The following SUGP2 variants were observed in gnomAD, a reference collection of about 807,000 sequenced individuals.
SUGP2 encodes the protein SURP and G-patch domain-containing protein 2.
Under a neutral mutation model 90.5 loss-of-function variants are expected in SUGP2, and 24 were observed. The ratio of observed to expected loss-of-function variants is 0.27; its 90% CI spans 0.19 to 0.37. The LOEUF (loss-of-function observed/expected upper bound fraction) is 0.37, where lower values mean the gene tolerates loss of function less well. SUGP2 is among the 10% of genes least tolerant of loss of function. The probability of loss-of-function intolerance (pLI) is 1.00; values close to 1 mark genes in which losing one functional copy is unlikely to be tolerated. For synonymous variants in SUGP2, 473 were observed against 513.4 expected (o/e 0.92, Z 1.06); for missense variants, 1,233 against 1,363.3 (o/e 0.90, Z 1.51).
At chr19:18,994,808 C>T in intron 9 of SUGP2, 2 of 527,920 alleles carry the variant, frequency 3.8e-6, no homozygotes, top group South Asian at 4.4e-5. Flanking sequence ...TGTTCGGGAC[C>T]CTGGCTGGCC....
chr19:19,020,023 G>A (rs1440269356), intron 3 of SUGP2, among the ~76,000 whole-genome samples: 28 of 133,950 alleles, frequency 2.1e-4, no homozygotes, highest in African/African-American at 7.8e-4. Context: ...AATTAGCCAG[G>A]CATGGTGGGA....
At chr19:19,026,838 G>C (rs2058954087) in intron 2 of SUGP2, among the ~76,000 whole-genome samples, 2 of 152,100 alleles carry the variant, frequency 1.3e-5, no homozygotes, top group African/African-American at 2.4e-5. Context: ...CCCTCGGAAA[G>C]GTCGGCCAGG....
rs57972000 is a variant in SUGP2 at position 19,019,768 on chromosome 19, TAAAA to T, written c.1730-543_1730-540del. On this transcript the variant is annotated intron_variant, in intron 3 of 10. Coordinates refer to ENST00000452918, the MANE Select transcript of SUGP2 (RefSeq NM_001017392.5). The stretch of plus-strand genomic sequence containing the variant: ...TCATTTTCCTTATGCTTTAAGAACT[TAAAA>T]AAAAAACTTGTGTTTTGTAATCAGA... Among the ~76,000 whole-genome samples, 765 of 129,006 alleles carry T rather than the reference TAAAA, an allele frequency of 5.9e-3. 10 individuals carry two copies. Among genetic ancestry groups the T allele is most frequent in the African/African-American group, 0.021 (724 of 34,994 alleles). 84.6% of individuals were successfully genotyped at this position (129,006 alleles called of 152,430 possible).
intron 3 of SUGP2, among the ~76,000 whole-genome samples, chr19:19,019,520 A>G (rs1305876244): frequency 3.3e-5 from 5 of 152,196 alleles, no homozygotes; most frequent in Non-Finnish European, 7.3e-5. Flanking sequence ...TAGCAATTTG[A>G]TATCATTTTT....
Position 18,991,355 on chromosome 19 carries a change from C to T in SUGP2, c.*2386G>A, listed in dbSNP as rs2057353195. The T allele has an allele frequency of 6.6e-6, 1 of 152,336 alleles. No homozygotes were observed. Among genetic ancestry groups the T allele is most frequent in the Non-Finnish European group, 1.5e-5 (1 of 68,186 alleles). 9.4% of individuals were successfully genotyped at this position (152,336 alleles called of 1,614,324 possible). ...CAGCACGCACCATGCTCTGCTGGCT[C>T]CCGACACCTTCACTGCCCCAGCGCT... On this transcript the variant is annotated 3_prime_UTR_variant, in exon 11 of 11. Transcript: ENST00000452918.
intron 6 of SUGP2, 124 bp from the exon 7 acceptor site, chr19:19,004,770 G>A: frequency 2.7e-6 from 2 of 740,340 alleles, no homozygotes; most frequent in East Asian, 5.3e-5. Context: ...AACCTGACCA[G>A]TCTCTACGCG....
chr19:18,994,533 TGGCATGCCAGGAACTG>T lies in SUGP2; in HGVS notation c.3129-63_3129-48del, dbSNP rs762290372. 2.3e-5 allele frequency: 37 copies of T among 1,604,264 alleles called. No homozygotes were observed. The Admixed American group carries it at 4.3e-4, about 18-fold the overall frequency. On this transcript the variant is annotated intron_variant, in intron 9 of 10. Transcript: ENST00000452918. ...CAGTTGTGCACCTGAGCCCAGGGCC[TGGCATGCCAGGAACTG>T]GGCATGGGCACAAACAGTCCATGAG...
At chr19:19,028,752 G>A (rs1235476648) in intron 2 of SUGP2, among the ~76,000 whole-genome samples, 6 of 152,210 alleles carry the variant, frequency 3.9e-5, no homozygotes, top group East Asian at 3.9e-4. Context: ...ACGCTGGAGC[G>A]CAGTGGTGCG....
chr19:19,003,915 C>G (rs1021601464), intron 7 of SUGP2, among the ~76,000 whole-genome samples: 1 of 152,180 alleles, frequency 6.6e-6, no homozygotes, highest in African/African-American at 2.4e-5. Context: ...GTTGGGGATG[C>G]CCCGACCTGA....
intron 4 of SUGP2, among the ~76,000 whole-genome samples, chr19:19,017,423 C>A (rs576116936): frequency 6.6e-6 from 1 of 152,316 alleles, no homozygotes; most frequent in South Asian, 2.1e-4. Context: ...TGCTGCTAAA[C>A]AGCCTGCAAT....
chr19:19,033,426 C>G lies in SUGP2; in HGVS notation c.-12+11G>C. ...AGCCACCCACCGACGACGCCAGGGCCCGGGCCTCACCCCGAGACCACCGCG... is the reference window on the plus strand; with the variant it reads ...AGCCACCCACCGACGACGCCAGGGCGCGGGCCTCACCCCGAGACCACCGCG... On this transcript the variant is annotated intron_variant, in intron 1 of 10. Transcript: ENST00000452918. 7.3e-7 allele frequency: 1 copy of G among 1,367,158 alleles called. No individual in the cohort carries two copies. Among genetic ancestry groups the G allele is most frequent in the Non-Finnish European group, 9.5e-7 (1 of 1,057,860 alleles). The allele number at this position is 1,367,158 out of a possible 1,614,324, so 84.7% of individuals were successfully genotyped here. A position where few individuals can be genotyped will look rare whatever the true frequency, so the allele number is the denominator to read the frequency against.
At chr19:19,020,977 T>A (rs2058703090) in intron 3 of SUGP2, among the ~76,000 whole-genome samples, 1 of 151,708 alleles carries the variant, frequency 6.6e-6, no homozygotes, top group South Asian at 2.1e-4. Flanking sequence ...CTGACCAACA[T>A]GGAGAAACCC....
chr19:19,021,243 G>C (rs2058716814), intron 3 of SUGP2, among the ~76,000 whole-genome samples: 1 of 151,470 alleles, frequency 6.6e-6, no homozygotes, highest in Admixed American at 6.6e-5. Flanking sequence ...AACTAGCGAG[G>C]TTTTCCAGTT....
chr19:18,992,780 G>A lies in SUGP2; in HGVS notation c.*961C>T, dbSNP rs572415635. ...GGGATCCTAAGTTTTCCAGATTTTT[G>A]CCCATACTTAAAACTTCAACGATCC... On this transcript the variant is annotated 3_prime_UTR_variant, in exon 11 of 11. Transcript: ENST00000452918. The A allele has an allele frequency of 6.6e-6, 1 of 152,238 alleles. No homozygotes were observed. Among genetic ancestry groups the A allele is most frequent in the East Asian group, 1.9e-4 (1 of 5,180 alleles). The allele number at this position is 152,238 out of a possible 1,614,324, so 9.4% of individuals were successfully genotyped here.
At chr19:19,005,188 G>A (rs1269760341) in intron 6 of SUGP2, among the ~76,000 whole-genome samples, 2 of 152,192 alleles carry the variant, frequency 1.3e-5, no homozygotes, top group East Asian at 3.9e-4. Context: ...AGGCCTCTCT[G>A]TGCCTCAGGG....
rs766777240 is a variant in SUGP2 at position 19,024,706 on chromosome 19, C to T, written c.1642G>A (p.Glu548Lys). The T allele has an allele frequency of 2.5e-5, 41 of 1,614,046 alleles. No individual in the cohort carries two copies. In the East Asian group the frequency reaches 3.6e-4, roughly 14 times the overall value. Residue 548 changes from glutamate to lysine, a missense_variant, in exon 3 of 11, where the codon GAA (glutamate) becomes AAA (lysine). This residue lies in a region of SUGP2 where 540 missense variants were observed against 542.6 expected (regional missense o/e 1.00). Transcript: ENST00000452918. ...TCCTCCTCTCGCATCGGCTCTGGTT[C>T]GGCTTTCTTAACCTGGAGGGGACAT... The part of the protein sequence containing the change: ...SGCPLQVKKA[E>K]PEPMREEEKM...
chr19:19,005,812 C>T (rs1045927815), intron 6 of SUGP2, among the ~76,000 whole-genome samples: 8 of 150,574 alleles, frequency 5.3e-5, no homozygotes, highest in Admixed American at 4.0e-4. Flanking sequence ...GTAGTTAGGA[C>T]CACAGGCAAA....
At chr19:19,014,441 T>C (rs1217853458) in intron 4 of SUGP2, among the ~76,000 whole-genome samples, 1 of 151,842 alleles carries the variant, frequency 6.6e-6, no homozygotes. Flanking sequence ...CCTCAGAGGG[T>C]GGAGATAAGA....
intron 6 of SUGP2, among the ~76,000 whole-genome samples, chr19:19,006,178 C>T (rs1437250117): frequency 6.6e-6 from 1 of 152,012 alleles, no homozygotes; most frequent in African/African-American, 2.4e-5. Flanking sequence ...TGAGATCACA[C>T]CACTGCACTC....
Sources: gnomAD v4.1 joint callset for allele counts (sites outside exome capture counted in the v4.1 genomes callset) on GRCh38, gnomAD v4.1.1 for gene constraint, gnomAD v4.1.1 regional missense constraint, MANE v1.5 for transcripts, NCBI Gene and HGNC (gene_info 2026-07-23, HGNC 2026-07-21) for gene names.